MAGI1: variants seen among roughly 807,000 people sequenced by gnomAD.
MAGI1 encodes membrane associated guanylate kinase, WW and PDZ domain containing 1.
MAGI1 carries 58 observed loss-of-function variants against 139.9 expected under a neutral mutation model. The ratio of observed to expected loss-of-function variants is 0.41; its 90% CI spans 0.34 to 0.52. MAGI1 has a LOEUF of 0.52. Ranked by LOEUF, MAGI1 falls within the 20% of genes least tolerant of loss-of-function variation. The probability of loss-of-function intolerance (pLI) is 0.12; values close to 1 mark genes in which losing one functional copy is unlikely to be tolerated. For missense variants in MAGI1, 1,874 were observed against 1,901.6 expected (o/e 0.99, Z 0.27); for synonymous variants, 812 against 737.9 (o/e 1.10, Z -1.63).
intron 1 of MAGI1, among the ~76,000 whole-genome samples, chr3:65,804,325 A>G (rs1476282763): frequency 6.6e-6 from 1 of 151,522 alleles, no homozygotes; most frequent in Non-Finnish European, 1.5e-5. Flanking sequence ...GAGAGGGGAG[A>G]GATTTTCAGA....
intron 1 of MAGI1, among the ~76,000 whole-genome samples, chr3:65,913,130 G>A (rs552040401): frequency 2.0e-5 from 3 of 152,148 alleles, no homozygotes; most frequent in South Asian, 2.1e-4. Flanking sequence ...GCGTGGTGGT[G>A]CACACCTGTA....
chr3:65,844,368 A>G (rs2058912195), intron 1 of MAGI1: 4 of 339,314 alleles, frequency 1.2e-5, no homozygotes, highest in Non-Finnish European at 2.3e-5. Context: ...TTGTTCCTAA[A>G]GCAGAACAGA....
rs116733562 is a variant in MAGI1, at chr3:65,505,138, G to C, written c.431-11507C>G. Among the ~76,000 whole-genome samples the C allele has an allele frequency of 7.3e-3, 1,112 of 152,278 alleles. 13 individuals are homozygous for C. The highest frequency in any genetic ancestry group is 0.026 in the African/African-American group (1,062 of 41,554). Reference sequence around the variant, plus strand: ...TGAGAAAAGGGGATGAGAGCAGATAGACTCTCTCCATTATGGCAGGTAATA... The same window carrying C: ...TGAGAAAAGGGGATGAGAGCAGATACACTCTCTCCATTATGGCAGGTAATA... On this transcript the variant is annotated intron_variant, in intron 2 of 22. Transcript: ENST00000402939.
rs527840861 is a variant in MAGI1 at position 65,516,790 on chromosome 3, G to T, written c.431-23159C>A. On this transcript the variant is annotated intron_variant, in intron 2 of 22. Transcript: ENST00000402939. Reference sequence around the variant, plus strand: ...TGGCCCAGGCTGGAGTGCAGTGGCGGGATCTCGGCTCACTGCAAGCTCCGC... The same window carrying T: ...TGGCCCAGGCTGGAGTGCAGTGGCGTGATCTCGGCTCACTGCAAGCTCCGC... Among the ~76,000 whole-genome samples, 7 of 133,272 alleles carry T rather than the reference G, an allele frequency of 5.3e-5. No homozygotes were observed. In the Admixed American group the frequency reaches 6.1e-4, roughly 12 times the overall value. 87.4% of individuals were successfully genotyped at this position (133,272 alleles called of 152,430 possible).
chr3:65,897,072 C>T (rs925833259), intron 1 of MAGI1, among the ~76,000 whole-genome samples: 1 of 152,102 alleles, frequency 6.6e-6, no homozygotes, highest in African/African-American at 2.4e-5. Context: ...CTCTAGATTA[C>T]TTATAATACC....
intron 1 of MAGI1, among the ~76,000 whole-genome samples, chr3:66,001,949 A>T (rs1287971987): frequency 2.6e-5 from 4 of 152,170 alleles, no homozygotes; most frequent in African/African-American, 4.8e-5. Context: ...TTGCCTCAGT[A>T]CTTGTTCCCA....
At chr3:65,366,696 G>T (rs1227519419) in intron 18 of MAGI1, among the ~76,000 whole-genome samples, 2 of 152,130 alleles carry the variant, frequency 1.3e-5, no homozygotes, top group Non-Finnish European at 2.9e-5. Context: ...GGGAATAAGA[G>T]AATTATCTAA....
chr3:65,825,454 G>A (rs1013643344), intron 1 of MAGI1, among the ~76,000 whole-genome samples: 1 of 152,094 alleles, frequency 6.6e-6, no homozygotes, highest in Non-Finnish European at 1.5e-5. Flanking sequence ...AATCAACCAT[G>A]GTGGATACAT....
chr3:65,574,407 T>C (rs1031943655), intron 2 of MAGI1, among the ~76,000 whole-genome samples: 6 of 138,758 alleles, frequency 4.3e-5, no homozygotes, highest in Non-Finnish European at 9.3e-5. Flanking sequence ...TACCCAGCAG[T>C]AAATCTGACT....
chr3:65,589,764 T>C (rs2081875553), intron 2 of MAGI1, among the ~76,000 whole-genome samples: 1 of 151,632 alleles, frequency 6.6e-6, no homozygotes, highest in Admixed American at 6.6e-5. Context: ...TACCACGACA[T>C]GCAGTGGGCC....
At chr3:65,756,798 T>G (rs1370921408) in intron 1 of MAGI1, among the ~76,000 whole-genome samples, 1 of 152,132 alleles carries the variant, frequency 6.6e-6, no homozygotes, top group Non-Finnish European at 1.5e-5. Context: ...ATGAAAGCTA[T>G]ACAGCCTCAA....
At chr3:65,542,938 A>C (rs1305807876) in intron 2 of MAGI1, among the ~76,000 whole-genome samples, 1 of 152,224 alleles carries the variant, frequency 6.6e-6, no homozygotes, top group Middle Eastern at 3.2e-3. Context: ...GCTCAGCAAA[A>C]GAAACTACCA....
chr3:65,800,397 T>C (rs910540789), intron 1 of MAGI1, among the ~76,000 whole-genome samples: 1 of 152,088 alleles, frequency 6.6e-6, no homozygotes, highest in African/African-American at 2.4e-5. Context: ...CACTGAAGAG[T>C]ATCTTTTAGT....
chr3:65,404,056 T>C (rs1300094094), intron 12 of MAGI1, among the ~76,000 whole-genome samples: 2 of 152,148 alleles, frequency 1.3e-5, no homozygotes, highest in Admixed American at 6.5e-5. Context: ...CTCAAACACA[T>C]GTGTGGCTTT....
chr3:65,490,672 T>C (rs939687973), intron 3 of MAGI1, among the ~76,000 whole-genome samples: 2 of 151,518 alleles, frequency 1.3e-5, no homozygotes, highest in East Asian at 1.9e-4. Context: ...GGTGAAACCC[T>C]GTCTCTACTA....
intron 2 of MAGI1, 114 bp from the exon 3 acceptor site, chr3:65,493,745 G>C (rs1559605625): frequency 8.3e-7 from 1 of 1,210,832 alleles, no homozygotes; most frequent in Non-Finnish European, 1.2e-6. Flanking sequence ...CTAAGACTCT[G>C]CTGCCTCATC....
chr3:65,711,930 A>C (rs1021118546), intron 1 of MAGI1, among the ~76,000 whole-genome samples: 7 of 152,302 alleles, frequency 4.6e-5, no homozygotes, highest in Admixed American at 3.3e-4. Flanking sequence ...CTCTCTGATC[A>C]TATCTCCTTC....
intron 1 of MAGI1, among the ~76,000 whole-genome samples, chr3:66,007,782 T>C (rs1311693175): frequency 7.5e-6 from 1 of 133,706 alleles, no homozygotes; most frequent in Non-Finnish European, 1.7e-5. Context: ...CATTTCAGTG[T>C]ATTTGCTATA....
intron 1 of MAGI1, among the ~76,000 whole-genome samples, chr3:65,901,189 A>G (rs1465659416): frequency 6.6e-6 from 1 of 152,204 alleles, no homozygotes; most frequent in Non-Finnish European, 1.5e-5. Flanking sequence ...CTCTCTAACC[A>G]AAACAATCCA....
Sources: gnomAD v4.1 joint callset for allele counts (sites outside exome capture counted in the v4.1 genomes callset) on GRCh38, gnomAD v4.1.1 for gene constraint, MANE v1.5 for transcripts, NCBI Gene and HGNC (gene_info 2026-07-23, HGNC 2026-07-21) for gene names.